MYH3: variants seen among roughly 807,000 people sequenced by gnomAD.
MYH3 encodes myosin-3.
In MYH3, 130 loss-of-function variants were observed where a neutral mutation model predicts 238.0. The ratio of observed to expected loss-of-function variants is 0.55; its 90% CI spans 0.47 to 0.63. The LOEUF is 0.63. MYH3 is among the 30% of genes least tolerant of loss of function. MYH3 has a pLI of 0.00. For missense variants in MYH3, 1,853 were observed against 2,374.9 expected (o/e 0.78, Z 4.57); for synonymous variants, 880 against 924.1 (o/e 0.95, Z 0.86).
chr17:10,645,672 A>C, intron 12 of MYH3, 35 bp downstream of exon 12: 1 of 1,611,170 alleles, frequency 6.2e-7, no homozygotes, highest in Non-Finnish European at 8.5e-7. Context: ...CAGATCAGCC[A>C]CCCGCTCTGG....
intron 22 of MYH3, 50 bp downstream of exon 22, chr17:10,639,946 A>T: frequency 6.3e-7 from 1 of 1,591,728 alleles, no homozygotes; most frequent in Non-Finnish European, 8.5e-7. Flanking sequence ...CTAAATAAAT[A>T]ATCAAATCTA....
chr17:10,664,390 T>C, the MYH3 span, among the ~76,000 whole-genome samples: 2 of 152,240 alleles, frequency 1.3e-5, no homozygotes, highest in Non-Finnish European at 2.9e-5. Flanking sequence ...GCCAGGATTA[T>C]AATGGAGTCC....
At position 10,640,364 on chromosome 17, in the gene MYH3, G is replaced by A. The variant is rs146342659; in HGVS notation, c.2395C>T (p.Arg799Cys). 12 of 1,614,056 alleles carry A rather than the reference G, an allele frequency of 7.4e-6. No homozygotes were observed. Among genetic ancestry groups the A allele is most frequent in the Admixed American group, 3.3e-5 (2 of 59,994 alleles). The change falls in exon 21 of 41, where the codon CGT (arginine) becomes TGT (cysteine). Residue 799 changes from arginine to cysteine, a missense_variant. Arg to Cys is a radical substitution (Grantham distance 180, BLOSUM62 -3). Around this residue, in one of 3 missense-constraint regions of MYH3, gnomAD observed 678 missense variants for 1,058.9 expected, o/e 0.64. Transcript: ENST00000583535. ...TQAVCRGFLM[R>C]VEFQKMVQRR... ...TGCACCATCTTCTGGAATTCCACAC[G>A]CATGAGGAACCCTCTGCACACAGCT...
chr17:10,670,116 A>G, the MYH3 span, among the ~76,000 whole-genome samples: 1 of 152,190 alleles, frequency 6.6e-6, no homozygotes, highest in Non-Finnish European at 1.5e-5. The surrounding 1 kb of genome is among the most constrained non-coding windows in gnomAD (Gnocchi z 7.0). Context: ...CCATGACAGT[A>G]CATTACCAAC....
intron 10 of MYH3, among the ~76,000 whole-genome samples, chr17:10,646,370 G>C (rs941517727): frequency 1.3e-5 from 2 of 152,106 alleles, no homozygotes; most frequent in Non-Finnish European, 2.9e-5. Context: ...GCCAACCCAG[G>C]TGGTTTGGTA....
At chr17:10,676,622 C>T in the MYH3 span, 1 of 152,124 alleles carries the variant, frequency 6.6e-6, no homozygotes, top group South Asian at 2.1e-4. Flanking sequence ...GTTAAATACC[C>T]ACATCAATGT....
intron 23 of MYH3, 38 bp from the exon 24 acceptor site, chr17:10,639,512 T>C (rs1201696266): frequency 1.9e-6 from 3 of 1,614,130 alleles, no homozygotes; most frequent in Non-Finnish European, 2.5e-6. Flanking sequence ...GCTTAAAGTT[T>C]AGTTTGCAAT....
chr17:10,666,578 C>T, the MYH3 span, among the ~76,000 whole-genome samples: 1 of 68,612 alleles, frequency 1.5e-5, no homozygotes, highest in East Asian at 5.8e-4. Context: ...CTTGTCTCTA[C>T]AAAAAAAAAA....
chr17:10,655,887 T>C (rs928750381), intron 2 of MYH3, among the ~76,000 whole-genome samples: 2 of 152,116 alleles, frequency 1.3e-5, no homozygotes, highest in Non-Finnish European at 2.9e-5. Context: ...CCTGACCTCA[T>C]GATCTGCCCA....
chr17:10,658,463 GA>G (rs1401871618), upstream of MYH3: 1 of 152,180 alleles, frequency 6.6e-6, no homozygotes, highest in South Asian at 2.1e-4. Context: ...GCACGTGTAT[GA>G]AACATCCTCT....
At chr17:10,663,841 T>C in the MYH3 span, among the ~76,000 whole-genome samples, 503 of 152,110 alleles carry the variant, frequency 3.3e-3, 3 homozygotes, top group African/African-American at 0.012. Context: ...GACAGGTGGA[T>C]CACCTTAGAT....
At chr17:10,671,790 A>G in the MYH3 span, among the ~76,000 whole-genome samples, 3 of 151,942 alleles carry the variant, frequency 2.0e-5, no homozygotes, top group Admixed American at 1.3e-4. Flanking sequence ...TGTGTTAGCC[A>G]GGATGGTCTC....
chr17:10,630,156 T>G lies in MYH3; in HGVS notation c.5498A>C (p.Lys1833Thr), dbSNP rs1299209209. 3.1e-6 allele frequency: 5 copies of G among 1,614,088 alleles called. No individual in the cohort carries two copies. The highest frequency in any genetic ancestry group is 4.2e-6 in the Non-Finnish European group (5 of 1,180,050). ...LEFELEGEQK[K>T]NTESVKGLRK... ...CAGGCCCTTAACAGACTCTGTGTTC[T>G]TCTTCTGCTCTCCCTCAAGTTCAAA... The change falls in exon 38 of 41, where the codon AAG becomes ACG. Residue 1833 changes from lysine (K) to threonine (T), a missense_variant. Coordinates refer to ENST00000583535, the MANE Select transcript of MYH3 (RefSeq NM_002470.4).
upstream of MYH3, among the ~76,000 whole-genome samples, chr17:10,657,776 C>G (rs2074448367): frequency 6.6e-6 from 1 of 152,184 alleles, no homozygotes. Flanking sequence ...AAGATTTTAT[C>G]ACAACCTTGG....
chr17:10,670,785 T>C, the MYH3 span, among the ~76,000 whole-genome samples: 9 of 152,164 alleles, frequency 5.9e-5, no homozygotes, highest in Non-Finnish European at 8.8e-5. This position sits in a 1 kb window ranked among gnomAD's most constrained non-coding sequence, Gnocchi z 7.0. Flanking sequence ...AAAGTACATA[T>C]TGGATATCTT....
At chr17:10,633,089 G>C (rs781167250) in intron 33 of MYH3, among the ~76,000 whole-genome samples, 1 of 152,122 alleles carries the variant, frequency 6.6e-6, no homozygotes, top group Non-Finnish European at 1.5e-5. Context: ...GTGCCCGCCT[G>C]TAATCCCAGC....
At position 10,633,881 on chromosome 17, in the gene MYH3, ATGG is replaced by A. The variant is rs1401241340; in HGVS notation, c.4522+133_4522+135del. On this transcript the variant is annotated intron_variant, in intron 32 of 40. Coordinates refer to ENST00000583535, the MANE Select transcript of MYH3 (RefSeq NM_002470.4). Reference sequence around the variant, plus strand: ...GAGAGGCTAAAACGTAACCCGTCAGATGGTGAACACTTTCTGCATGTGCATTAA... The same window carrying A: ...GAGAGGCTAAAACGTAACCCGTCAGATGAACACTTTCTGCATGTGCATTAA... 72 of 1,471,294 alleles carry A rather than the reference ATGG, an allele frequency of 4.9e-5. No homozygotes were observed. In the African/African-American group the frequency reaches 8.2e-4, roughly 17 times the overall value. 91.1% of individuals were successfully genotyped at this position (1,471,294 alleles called of 1,614,324 possible).
intron 32 of MYH3, 137 bp from the exon 33 acceptor site, chr17:10,633,852 C>T: frequency 6.8e-7 from 1 of 1,481,248 alleles, no homozygotes; most frequent in Non-Finnish European, 9.3e-7. Flanking sequence ...AGATATTGTA[C>T]AGAGAGAGGC....
chr17:10,655,660 C>A (rs1021413753), intron 2 of MYH3, among the ~76,000 whole-genome samples: 1 of 151,888 alleles, frequency 6.6e-6, no homozygotes, highest in Non-Finnish European at 1.5e-5. Flanking sequence ...CCTGTCCTTG[C>A]CTTTTTTTTT....
Sources: gnomAD v4.1 joint callset for allele counts (sites outside exome capture counted in the v4.1 genomes callset) on GRCh38, gnomAD v4.1.1 for gene constraint, gnomAD v4.1.1 regional missense constraint, Gnocchi (gnomAD v3.1) non-coding constraint, MANE v1.5 for transcripts, NCBI Gene and HGNC (gene_info 2026-07-23, HGNC 2026-07-21) for gene names.